Variants in CASK observed in about 807,000 individuals in gnomAD.
CASK encodes the protein peripheral plasma membrane protein CASK.
In CASK, 4 loss-of-function variants were observed where a neutral mutation model predicts 82.9. The observed-to-expected ratio is 0.05, with a 90% CI of 0.02 to 0.11. The LOEUF (loss-of-function observed/expected upper bound fraction) is 0.11. Among genes scored for constraint, CASK ranks in the 10% least tolerant of loss-of-function variants. The probability of loss-of-function intolerance (pLI) is 1.00; values close to 1 mark genes in which losing one functional copy is unlikely to be tolerated. For missense variants in CASK, 358 were observed against 720.9 expected (o/e 0.50, Z 5.76); for synonymous variants, 259 against 253.5 (o/e 1.02, Z -0.20).
chrX:41,728,059 A>G lies in CASK; in HGVS notation c.429+11325T>C, dbSNP rs182737319. ...TTGACTTTTGAATGGAAAACCCCAC[A>G]ATATTAAGAAAAGCATTCATGTGAC... On this transcript the variant is annotated intron_variant, in intron 5 of 26. Transcript: ENST00000378163. The G allele has an allele frequency of 8.4e-5, 77 of 916,316 alleles. No individual in the cohort carries two copies. In the African/African-American group the frequency reaches 1.4e-3, roughly 16 times the overall value. The allele number at this position is 916,316 out of a possible 1,213,427, so 75.5% of individuals were successfully genotyped here.
intron 2 of CASK, among the ~76,000 whole-genome samples, chrX:41,788,847 T>A (rs933202695): frequency 9.0e-6 from 1 of 111,575 alleles, no homozygotes; most frequent in Non-Finnish European, 1.9e-5. Context: ...CAGAGACAAT[T>A]ATGTAATAAT....
rs1569441729 is a variant in CASK at position 41,770,299 on chromosome X, C to CTATCTAT, written c.278+16878_278+16879insATAGATA. ...ATCTATCTATCTATCTATCTATCTA[C>CTATCTAT]CTACCTACCTACCTATCCATCCATC... On this transcript the variant is annotated intron_variant, in intron 3 of 26. Coordinates refer to ENST00000378163, the MANE Select transcript of CASK (RefSeq NM_001367721.1). 6.1e-3 allele frequency among the ~76,000 whole-genome samples: 437 copies of CTATCTAT among 71,819 alleles called. 1 individual carries two copies. The highest frequency in any genetic ancestry group is 0.013 in the African/African-American group (246 of 19,108). 62.4% of individuals were successfully genotyped at this position (71,819 alleles called of 115,157 possible).
At chrX:41,828,199 C>A in intron 2 of CASK, among the ~76,000 whole-genome samples, 1 of 111,968 alleles carries the variant, frequency 8.9e-6, no homozygotes, top group Non-Finnish European at 1.9e-5. Flanking sequence ...TCATGATTTT[C>A]CCACTTTGAT....
intron 14 of CASK, chrX:41,586,652 T>G: frequency 3.3e-6 from 1 of 299,617 alleles, no homozygotes; most frequent in African/African-American, 2.6e-5. Flanking sequence ...GACTACCCCA[T>G]AAGAAAGAAA....
At chrX:41,535,429 C>G (rs1204307153) in intron 22 of CASK, among the ~76,000 whole-genome samples, 2 of 110,584 alleles carry the variant, frequency 1.8e-5, no homozygotes, top group Non-Finnish European at 3.8e-5. Context: ...TAGATCATTT[C>G]TAGAGATGGA....
intron 1 of CASK, among the ~76,000 whole-genome samples, chrX:41,861,494 T>C (rs2071475315): frequency 9.0e-6 from 1 of 110,573 alleles, no homozygotes; most frequent in African/African-American, 3.3e-5. Flanking sequence ...TCTGACTTGG[T>C]TACACACTTT....
At chrX:41,551,432 C>T (rs1252120739) in intron 21 of CASK, among the ~76,000 whole-genome samples, 2 of 111,688 alleles carry the variant, frequency 1.8e-5, no homozygotes, top group African/African-American at 6.5e-5. Flanking sequence ...GCACTCCTAA[C>T]AATGAGGAGG....
At chrX:41,554,983 GC>G (rs1052773275) in intron 20 of CASK, among the ~76,000 whole-genome samples, 7 of 112,181 alleles carry the variant, frequency 6.2e-5, no homozygotes, top group African/African-American at 2.3e-4. Context: ...CAGCAATCCA[GC>G]CTATAAAATT....
At chrX:41,559,622 G>C (rs1436572214) in intron 18 of CASK, 157 bp downstream of exon 18, 1 of 524,540 alleles carries the variant, frequency 1.9e-6, no homozygotes, top group Non-Finnish European at 3.4e-6. Flanking sequence ...AGGTGGATGG[G>C]ACCTACTCTG....
chrX:41,797,708 T>A (rs1279941425), intron 2 of CASK, among the ~76,000 whole-genome samples: 1 of 111,941 alleles, frequency 8.9e-6, no homozygotes. Flanking sequence ...TAGTAAGACA[T>A]GCCCGAAGTC....
chrX:41,822,557 CAAAAAAAAAAAAAAAA>C (rs61374081), intron 2 of CASK, among the ~76,000 whole-genome samples: 3 of 50,680 alleles, frequency 5.9e-5, no homozygotes, highest in African/African-American at 2.7e-4. Flanking sequence ...GACTCCGTCT[CAAAAAAAAAAAAAAAA>C]AAAAAAAAAG....
chrX:41,773,045 C>A (rs1398647798), intron 3 of CASK, among the ~76,000 whole-genome samples: 2 of 111,130 alleles, frequency 1.8e-5, no homozygotes, highest in African/African-American at 6.6e-5. Flanking sequence ...AACAAAAAAA[C>A]CGAGAGAACA....
At chrX:41,634,555 C>T (rs1314240121) in intron 9 of CASK, among the ~76,000 whole-genome samples, 3 of 112,311 alleles carry the variant, frequency 2.7e-5, no homozygotes, top group Admixed American at 9.5e-5. Context: ...TCTGTGGCCC[C>T]GGGAGAAGTA....
intron 1 of CASK, among the ~76,000 whole-genome samples, chrX:41,861,428 C>T (rs980665491): frequency 1.1e-4 from 12 of 110,338 alleles, no homozygotes; most frequent in Non-Finnish European, 1.7e-4. Context: ...ATTAGACATG[C>T]ATGGAAAGAA....
At position 41,524,076 on chromosome X, in the gene CASK, A is replaced by G. The variant is rs764007445; in HGVS notation, c.2521-42T>C. 1.3e-5 allele frequency: 12 copies of G among 928,677 alleles called. No homozygotes were observed. The Admixed American group carries it at 2.4e-4, about 18-fold the overall frequency. The allele number at this position is 928,677 out of a possible 1,213,427, so 76.5% of individuals were successfully genotyped here. On this transcript the variant is annotated intron_variant, in intron 25 of 26. Transcript: ENST00000378163. The stretch of plus-strand genomic sequence containing the variant: ...AAAAAAAATCCCGACTTAAAAGAAG[A>G]AATAACTAATGTAACTTTCAAATGA...
intron 8 of CASK, among the ~76,000 whole-genome samples, chrX:41,646,258 G>T (rs2066756736): frequency 9.0e-6 from 1 of 110,846 alleles, no homozygotes; most frequent in South Asian, 3.8e-4. Flanking sequence ...AATTTTGAGG[G>T]CCCATCTAAA....
At chrX:41,918,186 G>A (rs920885879) in intron 1 of CASK, among the ~76,000 whole-genome samples, 4 of 112,043 alleles carry the variant, frequency 3.6e-5, no homozygotes, top group Non-Finnish European at 5.6e-5. Context: ...AACACAATGC[G>A]AAATTCTCCC....
chrX:41,601,620 A>C (rs2065895004), intron 12 of CASK, among the ~76,000 whole-genome samples: 1 of 111,510 alleles, frequency 9.0e-6, no homozygotes. Context: ...GATGATAGTA[A>C]ATTTATATAG....
At chrX:41,538,223 GA>G (rs758195560) in intron 22 of CASK, among the ~76,000 whole-genome samples, 9 of 110,769 alleles carry the variant, frequency 8.1e-5, no homozygotes, top group South Asian at 7.6e-4. Flanking sequence ...TTGTATTCCA[GA>G]AAAAAAAGAA....
Sources: allele counts gnomAD v4.1 joint callset (sites outside exome capture counted in the v4.1 genomes callset), GRCh38; gene constraint gnomAD v4.1.1; transcripts MANE v1.5; gene names NCBI Gene and HGNC (gene_info 2026-07-23, HGNC 2026-07-21).